The following PPARG variants were observed in gnomAD, a reference collection of about 807,000 sequenced individuals.
PPARG encodes the protein peroxisome proliferator-activated receptor gamma.
A neutral mutation model predicts 39.2 loss-of-function variants in PPARG; 17 were observed. That is an observed-to-expected ratio of 0.43 (90% CI 0.30 to 0.65). The LOEUF (loss-of-function observed/expected upper bound fraction) is 0.65, where lower values mean the gene tolerates loss of function less well. Among genes scored for constraint, PPARG ranks in the 30% least tolerant of loss-of-function variants. The pLI is 0.13. For missense variants in PPARG, 406 were observed against 585.9 expected, an observed-to-expected ratio of 0.69 and a Z score of 3.17; for synonymous variants, 223 against 215.7, an observed-to-expected ratio of 1.03 and a Z score of -0.30.
At position 12,346,429 on chromosome 3, in the gene PPARG, AT is replaced by A. The variant is rs2125081939; in HGVS notation, c.-8-33273del. Among the ~76,000 whole-genome samples the A allele has an allele frequency of 2.0e-5, 3 of 152,226 alleles. No homozygotes were observed. In the East Asian group the frequency reaches 5.8e-4, roughly 29 times the overall value. On this transcript the variant is annotated intron_variant, in intron 2 of 7. Coordinates refer to ENST00000651735, the MANE Select transcript of PPARG (RefSeq NM_138711.6). ...ATTAAAACTCAAAAAGACCTTAAGG[AT>A]TATTCTGTTTTGTGGAAAGGGCTTT...
chr3:12,392,689 A>T lies in PPARG; in HGVS notation c.466A>T (p.Ser156Cys). Residue 156 changes from serine to cysteine, a missense_variant, in exon 5 of 8, where the codon AGT becomes TGT. Physicochemically the swap from Ser to Cys is moderately radical, Grantham distance 112. Transcript: ENST00000651735. ...TCTTAACTGTCGGATCCACAAAAAA[A>T]GTAGAAATAAATGTCAGTACTGTCG... The part of the protein sequence containing the change: ...CDLNCRIHKK[S>C]RNKCQYCRFQ... 6.2e-7 allele frequency: 1 copy of T among 1,613,968 alleles called. No individual in the cohort carries two copies.
chr3:12,333,588 C>T lies in PPARG; in HGVS notation c.-9+21135C>T, dbSNP rs780488052. Among the ~76,000 whole-genome samples the T allele has an allele frequency of 2.6e-5, 4 of 152,106 alleles. No homozygotes were observed. The South Asian group carries it at 6.2e-4, about 24-fold the overall frequency. The stretch of plus-strand genomic sequence containing the variant: ...CGAGTGATCCTCAGCTGTGCCATCT[C>T]GCTATGGAACCTTGGCTAAGCCACG... On this transcript the variant is annotated intron_variant, in intron 2 of 7. Transcript: ENST00000651735.
At chr3:12,416,020 G>T (rs1361413258) in intron 6 of PPARG, among the ~76,000 whole-genome samples, 1 of 152,200 alleles carries the variant, frequency 6.6e-6, no homozygotes, top group Admixed American at 6.5e-5. Context: ...GTTTTTTATT[G>T]AAAGAAGGTT....
chr3:12,389,290 T>G (rs1219278881), intron 4 of PPARG, among the ~76,000 whole-genome samples: 3 of 152,116 alleles, frequency 2.0e-5, no homozygotes, highest in Non-Finnish European at 1.5e-5. Flanking sequence ...CATTCAGAAA[T>G]GTGAAGGCTA....
chr3:12,321,816 T>C (rs914587458), intron 2 of PPARG, among the ~76,000 whole-genome samples: 2 of 152,208 alleles, frequency 1.3e-5, no homozygotes, highest in Non-Finnish European at 2.9e-5. Context: ...ATACTATTGT[T>C]GATTCAACAT....
At chr3:12,303,496 T>C (rs896154147) in intron 1 of PPARG, among the ~76,000 whole-genome samples, 21 of 152,180 alleles carry the variant, frequency 1.4e-4, no homozygotes. Flanking sequence ...CCACTGTGCC[T>C]GGCCAGGCAG....
At chr3:12,308,453 A>G (rs1389430691) in intron 1 of PPARG, among the ~76,000 whole-genome samples, 3 of 151,884 alleles carry the variant, frequency 2.0e-5, no homozygotes, top group Non-Finnish European at 1.5e-5. Context: ...CTGCAGAGGC[A>G]GAGACCGTGG....
intron 7 of PPARG, among the ~76,000 whole-genome samples, chr3:12,428,944 G>A (rs530671882): frequency 1.3e-5 from 2 of 151,324 alleles, no homozygotes; most frequent in South Asian, 4.1e-4. Flanking sequence ...ATTTAGTCCG[G>A]TCTGTTTTGT....
chr3:12,362,520 AAAATAAATAAATAAATAAATAAATAAAT>A (rs144523043), intron 2 of PPARG, among the ~76,000 whole-genome samples: 145 of 147,974 alleles, frequency 9.8e-4, no homozygotes, highest in African/African-American at 3.4e-3. Context: ...CTTCGTCTCA[AAAATAAATAAATAAATAAATAAATAAAT>A]AAATAAATAA....
intron 7 of PPARG, among the ~76,000 whole-genome samples, chr3:12,430,846 A>C (rs1487339406): frequency 6.6e-6 from 1 of 152,206 alleles, no homozygotes; most frequent in Non-Finnish European, 1.5e-5. Context: ...TGTTTCAGGC[A>C]GGAAGAATAA....
At chr3:12,423,670 A>G (rs572707452) in intron 7 of PPARG, among the ~76,000 whole-genome samples, 2 of 152,316 alleles carry the variant, frequency 1.3e-5, no homozygotes, top group East Asian at 3.9e-4. Flanking sequence ...ATTACAAAAC[A>G]TAGATATTAA....
intron 5 of PPARG, among the ~76,000 whole-genome samples, chr3:12,394,232 C>T (rs147552552): frequency 1.1e-4 from 17 of 152,250 alleles, no homozygotes; most frequent in Admixed American, 5.2e-4. Context: ...ATGCCAGTTC[C>T]GCTTTTAACA....
chr3:12,370,194 C>G (rs1416002706), intron 2 of PPARG, among the ~76,000 whole-genome samples: 1 of 151,678 alleles, frequency 6.6e-6, no homozygotes. Flanking sequence ...ATTTTTTTTT[C>G]TCTTGAATTT....
intron 2 of PPARG, among the ~76,000 whole-genome samples, chr3:12,324,776 C>T (rs548341579): frequency 6.6e-6 from 1 of 152,150 alleles, no homozygotes; most frequent in African/African-American, 2.4e-5. Flanking sequence ...AACTTAAGTC[C>T]ACAAGTCAGA....
chr3:12,382,468 T>C (rs985664876), intron 4 of PPARG, among the ~76,000 whole-genome samples: 5 of 152,158 alleles, frequency 3.3e-5, no homozygotes, highest in African/African-American at 1.2e-4. Context: ...CTTTATAAAA[T>C]AAATACCTGC....
chr3:12,399,128 A>C (rs2050374158), intron 5 of PPARG, among the ~76,000 whole-genome samples: 1 of 152,176 alleles, frequency 6.6e-6, no homozygotes, highest in Non-Finnish European at 1.5e-5. Flanking sequence ...ACAGTGTTGC[A>C]TCAACGAAGT....
chr3:12,363,402 G>A (rs1482056616), intron 2 of PPARG, among the ~76,000 whole-genome samples: 1 of 152,160 alleles, frequency 6.6e-6, no homozygotes, highest in Non-Finnish European at 1.5e-5. Context: ...TTTGTTCTCA[G>A]TATCTGTTTA....
chr3:12,345,415 A>G (rs1322640591), intron 2 of PPARG, among the ~76,000 whole-genome samples: 1 of 152,220 alleles, frequency 6.6e-6, no homozygotes, highest in Non-Finnish European at 1.5e-5. Context: ...TTCATCATAG[A>G]AAAATGCTTT....
chr3:12,325,839 A>G (rs1358698562), intron 2 of PPARG, among the ~76,000 whole-genome samples: 3 of 152,188 alleles, frequency 2.0e-5, no homozygotes, highest in Non-Finnish European at 4.4e-5. Flanking sequence ...ATTGACTGAC[A>G]GTGGAAATCA....
Sources: gnomAD v4.1 joint callset for allele counts (sites outside exome capture counted in the v4.1 genomes callset) on GRCh38, gnomAD v4.1.1 for gene constraint, MANE v1.5 for transcripts, NCBI Gene and HGNC (gene_info 2026-07-23, HGNC 2026-07-21) for gene names.